The following ADGRB1 variants were observed in gnomAD, a reference collection of about 807,000 sequenced individuals.
ADGRB1 encodes the protein brain-specific angiogenesis inhibitor 1.
Under a neutral mutation model 175.7 loss-of-function variants are expected in ADGRB1, and 36 were observed. The ratio of observed to expected loss-of-function variants is 0.20; its 90% CI spans 0.16 to 0.27. The LOEUF is 0.27. Among genes scored for constraint, ADGRB1 ranks in the 10% least tolerant of loss-of-function variants. ADGRB1 has a pLI of 1.00. For synonymous variants in ADGRB1, 1,054 were observed against 979.4 expected (o/e 1.08, Z -1.42); for missense variants, 1,731 against 2,255.3 (o/e 0.77, Z 4.71).
chr8:142,526,938 C>G (rs1218052588), intron 24 of ADGRB1, among the ~76,000 whole-genome samples: 2 of 152,178 alleles, frequency 1.3e-5, no homozygotes, highest in Admixed American at 1.3e-4. Flanking sequence ...CAGGGTGCCC[C>G]CAAGGCTGGG....
intron 1 of ADGRB1, among the ~76,000 whole-genome samples, chr8:142,452,854 G>A (rs1298005618): frequency 6.6e-6 from 1 of 150,844 alleles, no homozygotes; most frequent in Non-Finnish European, 1.5e-5. Context: ...AGGCCCAGGC[G>A]GCCGGCGCGG....
chr8:142,517,983 C>T lies in ADGRB1; in HGVS notation c.2818-155C>T, dbSNP rs567323895. ...GCCTGGGCTGGTAGAGGAAACCCCT[C>T]GTCTGCAGGGGGCGGGTGGGGAGGT... On this transcript the variant is annotated intron_variant, in intron 18 of 30. Coordinates refer to ENST00000517894, the MANE Select transcript of ADGRB1 (RefSeq NM_001702.3). 2.9e-3 allele frequency among the ~76,000 whole-genome samples: 417 copies of T among 146,264 alleles called. 2 individuals carry two copies. The highest frequency in any genetic ancestry group is 9.8e-3 in the African/African-American group (397 of 40,316).
At chr8:142,485,656 G>T (rs1350199681) in intron 13 of ADGRB1, among the ~76,000 whole-genome samples, 1 of 152,234 alleles carries the variant, frequency 6.6e-6, no homozygotes, top group East Asian at 1.9e-4. Flanking sequence ...GCCTTGCCCA[G>T]TGCCTATACT....
At chr8:142,513,005 T>G in intron 18 of ADGRB1, among the ~76,000 whole-genome samples, 1 of 148,388 alleles carries the variant, frequency 6.7e-6, no homozygotes, top group African/African-American at 2.5e-5. Flanking sequence ...TACACAGTCC[T>G]GGGCCTTCTT....
In ADGRB1 at chr8:142,542,201, G is replaced by C; in HGVS notation, c.3967G>C (p.Gly1323Arg). The C allele has an allele frequency of 1.9e-6, 3 of 1,613,634 alleles. No homozygotes were observed. Among genetic ancestry groups the C allele is most frequent in the Non-Finnish European group, 2.5e-6 (3 of 1,179,830 alleles). ...GCCCAAGTCCTCCTTCGTCGGTGAC[G>C]GGGACATCTTCAAGAAGCTGGACTC... Reference protein sequence around the residue: ...KAPKSSFVGDGDIFKKLDSEL... With the variant: ...KAPKSSFVGDRDIFKKLDSEL... Residue 1323 changes from glycine to arginine, a missense_variant, in exon 28 of 31, where the codon GGG (glycine) becomes CGG (arginine). By Grantham distance (125) the Gly-to-Arg change is moderately radical. Coordinates refer to ENST00000517894, the MANE Select transcript of ADGRB1 (RefSeq NM_001702.3). This position sits in a 1 kb window ranked among gnomAD's most constrained non-coding sequence, Gnocchi z 6.3.
chr8:142,453,455 A>G (rs1484409028), intron 1 of ADGRB1, among the ~76,000 whole-genome samples: 3 of 152,088 alleles, frequency 2.0e-5, no homozygotes, highest in African/African-American at 7.2e-5. Context: ...GGGTATTGTT[A>G]ACCCCTCCGG....
intron 24 of ADGRB1, among the ~76,000 whole-genome samples, chr8:142,529,925 T>C (rs530300777): frequency 1.3e-5 from 2 of 151,552 alleles, no homozygotes; most frequent in Non-Finnish European, 2.9e-5. Flanking sequence ...CATCTGTGTG[T>C]GTACCTGTGA....
intron 15 of ADGRB1, 34 bp from the exon 16 acceptor site, chr8:142,489,302 G>A (rs1439037314): frequency 6.2e-7 from 1 of 1,609,142 alleles, no homozygotes; most frequent in Non-Finnish European, 8.5e-7. Context: ...GGCTGGGAGG[G>A]CTCCCCCGAC....
Position 142,481,585 on chromosome 8 carries a change from A to T in ADGRB1, c.2004A>T (p.Thr668=), listed in dbSNP as rs1171749178. 1.9e-6 allele frequency: 3 copies of T among 1,602,866 alleles called. No individual in the cohort carries two copies. Among genetic ancestry groups the T allele is most frequent in the Non-Finnish European group, 2.6e-6 (3 of 1,174,930 alleles). The change falls in exon 11 of 31, where the codon ACA becomes ACT. Residue 668 remains threonine, a synonymous_variant. Coordinates refer to ENST00000517894, the MANE Select transcript of ADGRB1 (RefSeq NM_001702.3). ...AGGGGGTCTCGGAGGTCATCCAGAC[A>T]CTGGTGGAGATCTCTCAGGACGGGA... is the stretch of plus-strand genomic sequence containing the variant. ...PGEGVSEVIQ[T]LVEISQDGTS...
intron 13 of ADGRB1, among the ~76,000 whole-genome samples, chr8:142,487,276 G>A (rs1222054572): frequency 1.3e-5 from 2 of 152,132 alleles, no homozygotes; most frequent in Non-Finnish European, 2.9e-5. Flanking sequence ...TCCAGCGTCC[G>A]TCTGCCCCCA....
Position 142,490,108 on chromosome 8 carries a change from G to A in ADGRB1, c.2632-664G>A, listed in dbSNP as rs915972160. Among the ~76,000 whole-genome samples the A allele has an allele frequency of 2.6e-5, 4 of 152,246 alleles. No homozygotes were observed. In the East Asian group the frequency reaches 7.7e-4, roughly 29 times the overall value. ...CAGGCCTCCAGCCCAGGCCAGGGCT[G>A]TAGGAAGCCACGGGAGAACCCAGCC... On this transcript the variant is annotated intron_variant, in intron 16 of 30. Transcript: ENST00000517894.
rs1189612918 is a variant in ADGRB1 at position 142,504,484 on chromosome 8, G to A, written c.2676-6448G>A. Reference sequence around the variant, plus strand: ...GGCCCCTCTGGGATGGTCGCGGGGGGCTCTGGCTGCTGGGTGAGGCAGAAC... The same window carrying A: ...GGCCCCTCTGGGATGGTCGCGGGGGACTCTGGCTGCTGGGTGAGGCAGAAC... On this transcript the variant is annotated intron_variant, in intron 17 of 30. Transcript: ENST00000517894. This position sits in a 1 kb window ranked among gnomAD's most constrained non-coding sequence, Gnocchi z 5.6. Among the ~76,000 whole-genome samples, 1 of 152,196 alleles carries A rather than the reference G, an allele frequency of 6.6e-6. No homozygotes were observed. The highest frequency in any genetic ancestry group is 1.5e-5 in the Non-Finnish European group (1 of 68,016).
chr8:142,460,479 G>A (rs780956046), intron 1 of ADGRB1, among the ~76,000 whole-genome samples: 18 of 152,212 alleles, frequency 1.2e-4, no homozygotes, highest in Admixed American at 3.9e-4. Flanking sequence ...AGCTCAGTCC[G>A]AGATGTTCTA....
chr8:142,465,713 G>C (rs990708145), intron 2 of ADGRB1, among the ~76,000 whole-genome samples: 1 of 152,232 alleles, frequency 6.6e-6, no homozygotes, highest in South Asian at 2.1e-4. Flanking sequence ...ACCGGGCAGG[G>C]CTGGCCCCTC....
intron 27 of ADGRB1, among the ~76,000 whole-genome samples, chr8:142,540,559 G>A (rs983489823): frequency 3.3e-5 from 5 of 152,284 alleles, no homozygotes; most frequent in African/African-American, 1.2e-4. Context: ...CCAGCGAGGG[G>A]CCTGGGCCTG....
At chr8:142,502,718 G>T (rs1316524462) in intron 17 of ADGRB1, among the ~76,000 whole-genome samples, 1 of 151,264 alleles carries the variant, frequency 6.6e-6, no homozygotes, top group Non-Finnish European at 1.5e-5. Context: ...CTGATGATGG[G>T]GTTGGTAGTG....
intron 1 of ADGRB1, among the ~76,000 whole-genome samples, chr8:142,457,938 G>A (rs935901790): frequency 6.6e-6 from 1 of 152,190 alleles, no homozygotes; most frequent in East Asian, 1.9e-4. Flanking sequence ...CACCCTGAGC[G>A]GGGAAGGCCA....
At position 142,474,183 on chromosome 8, in the gene ADGRB1, C is replaced by T. The variant is rs2131764140; in HGVS notation, c.785-1291C>T. 6.6e-6 allele frequency among the ~76,000 whole-genome samples: 1 copy of T among 152,254 alleles called. No homozygotes were observed. The highest frequency in any genetic ancestry group is 2.1e-4 in the South Asian group (1 of 4,814). ...CCACTGAGGGAGGCAGGGCCCCTTT[C>T]CTGAGGCTCCAAGAGGCCCTGGGGC... On this transcript the variant is annotated intron_variant, in intron 2 of 30. Coordinates refer to ENST00000517894, the MANE Select transcript of ADGRB1 (RefSeq NM_001702.3). This position sits in a 1 kb window ranked among gnomAD's most constrained non-coding sequence, Gnocchi z 5.8.
chr8:142,509,614 G>A (rs1008755994), intron 17 of ADGRB1, among the ~76,000 whole-genome samples: 2 of 152,234 alleles, frequency 1.3e-5, no homozygotes, highest in African/African-American at 4.8e-5. Flanking sequence ...TGCCGCACTC[G>A]TTCCTGGGTG....
Sources: allele counts gnomAD v4.1 joint callset (sites outside exome capture counted in the v4.1 genomes callset), GRCh38; gene constraint gnomAD v4.1.1; non-coding constraint Gnocchi (gnomAD v3.1); transcripts MANE v1.5; gene names NCBI Gene and HGNC (gene_info 2026-07-23, HGNC 2026-07-21).